Variants in COMMD10 observed in about 807,000 individuals in gnomAD.
The protein encoded by COMMD10 is COMM domain containing 10.
COMMD10 carries 33 observed loss-of-function variants against 28.9 expected under a neutral mutation model. The observed-to-expected ratio is 1.14, with a 90% CI of 0.87 to 1.53. The LOEUF (loss-of-function observed/expected upper bound fraction) is 1.53, where lower values mean the gene tolerates loss of function less well. Ranked by LOEUF, COMMD10 falls within the 40% of genes most tolerant of loss-of-function variation. COMMD10 has a pLI of 0.00. For missense variants in COMMD10, 310 were observed against 233.4 expected, an observed-to-expected ratio of 1.33 and a Z score of -2.14; for synonymous variants, 110 against 81.7, an observed-to-expected ratio of 1.35 and a Z score of -1.87.
chr5:116,171,292 C>T (rs1158864185), intron 5 of COMMD10, among the ~76,000 whole-genome samples: 1 of 152,150 alleles, frequency 6.6e-6, no homozygotes. Context: ...CATCTCACGC[C>T]AGTTGGAATG....
At position 116,106,335 on chromosome 5, in the gene COMMD10, G is replaced by C. The variant is rs188216154; in HGVS notation, c.399+13635G>C. Among the ~76,000 whole-genome samples the C allele has an allele frequency of 1.9e-3, 290 of 152,320 alleles. 2 individuals carry two copies. The highest frequency in any genetic ancestry group is 6.6e-3 in the African/African-American group (274 of 41,574). ...ATCTTGAGTCTAATTTGATTGCAGT[G>C]TGGTCCGACAGAGTGTTTATTAATG... On this transcript the variant is annotated intron_variant, in intron 4 of 6. Transcript: ENST00000274458.
At chr5:116,089,767 A>G (rs1375956220) in intron 2 of COMMD10, among the ~76,000 whole-genome samples, 2 of 152,152 alleles carry the variant, frequency 1.3e-5, no homozygotes, top group Non-Finnish European at 2.9e-5. Context: ...ACTTTTAAAT[A>G]AAGAAACATA....
chr5:116,176,849 A>G (rs1408547044), intron 5 of COMMD10, among the ~76,000 whole-genome samples: 1 of 152,206 alleles, frequency 6.6e-6, no homozygotes, highest in African/African-American at 2.4e-5. Context: ...AAGCTATGAT[A>G]CGTGAGTAAC....
chr5:116,085,791 G>A (rs1750073102), intron 1 of COMMD10, among the ~76,000 whole-genome samples: 1 of 152,192 alleles, frequency 6.6e-6, no homozygotes, highest in African/African-American at 2.4e-5. Flanking sequence ...AAAAAGTACT[G>A]AAGTATATAG....
At chr5:116,121,469 T>G (rs1170007646) in intron 4 of COMMD10, among the ~76,000 whole-genome samples, 3 of 152,246 alleles carry the variant, frequency 2.0e-5, no homozygotes, top group African/African-American at 7.2e-5. Context: ...TATAGTAGCA[T>G]GATTTATAAT....
intron 4 of COMMD10, among the ~76,000 whole-genome samples, chr5:116,105,367 T>C (rs1042428727): frequency 1.3e-5 from 2 of 152,212 alleles, no homozygotes; most frequent in Non-Finnish European, 2.9e-5. Context: ...TGCTGGTATT[T>C]TATTGAGGAT....
At chr5:116,265,635 C>T (rs1189820407) in intron 5 of COMMD10, among the ~76,000 whole-genome samples, 5 of 151,780 alleles carry the variant, frequency 3.3e-5, no homozygotes, top group South Asian at 2.1e-4. Flanking sequence ...CCCTGGGCTA[C>T]GTACATGTGG....
chr5:116,238,728 C>T (rs1411115523), intron 5 of COMMD10, among the ~76,000 whole-genome samples: 2 of 152,172 alleles, frequency 1.3e-5, no homozygotes, highest in East Asian at 1.9e-4. Context: ...CCAGCTCATA[C>T]TCCTTATATG....
intron 5 of COMMD10, among the ~76,000 whole-genome samples, chr5:116,145,267 C>T (rs1044157369): frequency 7.2e-5 from 11 of 151,784 alleles, no homozygotes; most frequent in Non-Finnish European, 1.5e-4. Flanking sequence ...GCTGATTGCC[C>T]AATTGTGATT....
At chr5:116,270,342 A>G (rs1338365954) in intron 5 of COMMD10, among the ~76,000 whole-genome samples, 1 of 151,904 alleles carries the variant, frequency 6.6e-6, no homozygotes, top group Non-Finnish European at 1.5e-5. Flanking sequence ...TTGAAAAAGG[A>G]AAAATTAGAC....
At chr5:116,218,206 A>C (rs1279444975) in intron 5 of COMMD10, 4 of 770,220 alleles carry the variant, frequency 5.2e-6, no homozygotes, top group Non-Finnish European at 9.6e-6. Flanking sequence ...AAGCAGGTTT[A>C]GCGGACAACC....
At chr5:116,195,919 G>T (rs889639620) in intron 5 of COMMD10, among the ~76,000 whole-genome samples, 1 of 152,166 alleles carries the variant, frequency 6.6e-6, no homozygotes, top group East Asian at 1.9e-4. Flanking sequence ...GCCATAATCA[G>T]AAAATCAATA....
chr5:116,230,190 T>C (rs1013418752), intron 5 of COMMD10, among the ~76,000 whole-genome samples: 1 of 152,068 alleles, frequency 6.6e-6, no homozygotes, highest in African/African-American at 2.4e-5. Context: ...AAGGAAGCCA[T>C]GTAACAAAGC....
rs1750143873 is a variant in COMMD10, at chr5:116,087,508, C to T, written c.53C>T (p.Ala18Val). 1.2e-6 allele frequency: 2 copies of T among 1,606,108 alleles called. No individual in the cohort carries two copies. The highest frequency in any genetic ancestry group is 1.7e-6 in the Non-Finnish European group (2 of 1,172,680). The change falls in exon 2 of 7, where the codon GCA (alanine) becomes GTA (valine). Residue 18 changes from alanine (A) to valine (V), a missense_variant. Ala to Val is a moderately conservative substitution (Grantham distance 64). Coordinates refer to ENST00000274458, the MANE Select transcript of COMMD10 (RefSeq NM_016144.4). ...ATAATTTTGTTTAGCATGAAGAAAGCAGTGTCACTGATAAATGCAATAGAT... is the reference window on the plus strand; with the variant it reads ...ATAATTTTGTTTAGCATGAAGAAAGTAGTGTCACTGATAAATGCAATAGAT... ...ILRESPSMKK[A>V]VSLINAIDTG... is the part of the protein sequence containing the mutation.
At chr5:116,179,181 C>A (rs1196135923) in intron 5 of COMMD10, among the ~76,000 whole-genome samples, 1 of 151,888 alleles carries the variant, frequency 6.6e-6, no homozygotes, top group Non-Finnish European at 1.5e-5. Context: ...AAGTTTATAA[C>A]CTAATAAATA....
At chr5:116,198,954 A>T (rs1247009335) in intron 5 of COMMD10, among the ~76,000 whole-genome samples, 1 of 152,002 alleles carries the variant, frequency 6.6e-6, no homozygotes, top group Non-Finnish European at 1.5e-5. Context: ...TAAGTCTTCA[A>T]CTCCTTTGGA....
At chr5:116,109,965 GTTT>G (rs935482936) in intron 4 of COMMD10, among the ~76,000 whole-genome samples, 2 of 152,162 alleles carry the variant, frequency 1.3e-5, no homozygotes, top group African/African-American at 2.4e-5. Context: ...TTGAGGAAAT[GTTT>G]TTAACTTTTC....
intron 4 of COMMD10, among the ~76,000 whole-genome samples, chr5:116,115,691 T>C (rs561665186): frequency 1.3e-5 from 2 of 152,300 alleles, no homozygotes; most frequent in East Asian, 1.9e-4. Flanking sequence ...GAAATTCTAT[T>C]TGGAGCTCTT....
intron 5 of COMMD10, among the ~76,000 whole-genome samples, chr5:116,227,168 T>C (rs962023771): frequency 2.0e-5 from 3 of 152,062 alleles, no homozygotes; most frequent in African/African-American, 4.8e-5. Context: ...ATCACTACTT[T>C]AGCACTAGAT....
Sources: gnomAD v4.1 joint callset for allele counts (sites outside exome capture counted in the v4.1 genomes callset) on GRCh38, gnomAD v4.1.1 for gene constraint, MANE v1.5 for transcripts, NCBI Gene and HGNC (gene_info 2026-07-23, HGNC 2026-07-21) for gene names.